Variants in DENND11 observed in about 807,000 individuals in gnomAD.
DENND11 encodes the protein DENN domain-containing protein 11.
DENND11 carries 34 observed loss-of-function variants against 49.2 expected under a neutral mutation model. That is an observed-to-expected ratio of 0.69 (90% CI 0.53 to 0.92). DENND11 has a LOEUF of 0.92. DENND11 is among the 40% of genes least tolerant of loss of function. DENND11 has a pLI of 0.00. For missense variants in DENND11, 475 were observed against 581.6 expected (o/e 0.82, Z 1.88); for synonymous variants, 238 against 230.3 (o/e 1.03, Z -0.30).
chr7:141,675,812 A>G (rs1308697768), intron 3 of DENND11, among the ~76,000 whole-genome samples: 1 of 151,842 alleles, frequency 6.6e-6, no homozygotes, highest in East Asian at 1.9e-4. Context: ...CACTATATTC[A>G]TATAATGATT....
Position 141,664,982 on chromosome 7 carries a change from G to A in DENND11, c.1025C>T (p.Thr342Ile). ...DVYVDNQNVK[T>I]HHDHLQPLLK... is the part of the protein sequence containing the mutation. Reference sequence around the variant, plus strand: ...CAGCGGCTGCAGGTGGTCGTGGTGTGTCTTCACATTCTGGTTATCCACGTA... The same window carrying A: ...CAGCGGCTGCAGGTGGTCGTGGTGTATCTTCACATTCTGGTTATCCACGTA... The change falls in exon 7 of 9, where the codon ACA becomes ATA. Residue 342 changes from threonine to isoleucine, a missense_variant. Coordinates refer to ENST00000536163, the MANE Select transcript of DENND11 (RefSeq NM_001080392.2). 1 of 1,613,860 alleles carries A rather than the reference G, an allele frequency of 6.2e-7. No homozygotes were observed. The highest frequency in any genetic ancestry group is 8.5e-7 in the Non-Finnish European group (1 of 1,179,840).
At chr7:141,677,403 AT>A (rs1299757527) in intron 3 of DENND11, among the ~76,000 whole-genome samples, 9,814 of 75,144 alleles carry the variant, frequency 0.13, 541 homozygotes, top group East Asian at 0.48. Flanking sequence ...AAAAAAAAAA[AT>A]ATATATATAT....
At chr7:141,691,122 A>G (rs1321028751) in intron 1 of DENND11, among the ~76,000 whole-genome samples, 7 of 152,206 alleles carry the variant, frequency 4.6e-5, no homozygotes, top group Admixed American at 4.6e-4. Context: ...CAGTACCTTC[A>G]TGAGTGAATT....
At position 141,657,501 on chromosome 7, in the gene DENND11, C is replaced by G. The variant is rs769007716; in HGVS notation, c.*5155G>C. The G allele has an allele frequency of 6.6e-6, 1 of 152,352 alleles. No homozygotes were observed. Among genetic ancestry groups the G allele is most frequent in the Non-Finnish European group, 1.5e-5 (1 of 68,034 alleles). The allele number at this position is 152,352 out of a possible 1,614,324, so 9.4% of individuals were successfully genotyped here. A position where few individuals can be genotyped will look rare whatever the true frequency, so the allele number is the denominator to read the frequency against. Reference sequence around the variant, plus strand: ...CCATCCAACTCAAAGACCTCTGTGTCGACTGTTCACTTTGTGGATCATCTC... The same window carrying G: ...CCATCCAACTCAAAGACCTCTGTGTGGACTGTTCACTTTGTGGATCATCTC... On this transcript the variant is annotated 3_prime_UTR_variant, in exon 9 of 9. Coordinates refer to ENST00000536163, the MANE Select transcript of DENND11 (RefSeq NM_001080392.2).
At chr7:141,673,537 GACCA>G (rs1798016716) in intron 4 of DENND11, among the ~76,000 whole-genome samples, 1 of 152,170 alleles carries the variant, frequency 6.6e-6, no homozygotes, top group Non-Finnish European at 1.5e-5. Flanking sequence ...AATATCCTGT[GACCA>G]ACCACAGGAG....
At chr7:141,691,883 C>A (rs748405023) in intron 1 of DENND11, among the ~76,000 whole-genome samples, 2 of 151,984 alleles carry the variant, frequency 1.3e-5, no homozygotes, top group Admixed American at 6.6e-5. Context: ...TAGTATCATG[C>A]CTTGCACAGG....
rs1227666469 is a variant in DENND11, at chr7:141,665,223, T to C, written c.916A>G (p.Ile306Val). 53 of 1,613,286 alleles carry C rather than the reference T, an allele frequency of 3.3e-5. No individual in the cohort carries two copies. The highest frequency in any genetic ancestry group is 4.4e-5 in the Non-Finnish European group (52 of 1,179,664). Residue 306 changes from isoleucine (I) to valine (V), a missense_variant, in exon 6 of 9, where the codon ATC becomes GTC. Ile to Val is a conservative substitution (Grantham distance 29). Coordinates refer to ENST00000536163, the MANE Select transcript of DENND11 (RefSeq NM_001080392.2). ...GACACCTCTACCTCCAGGCTCTCGA[T>C]GTCAGCCACGTTCACGTAGAAGAAA... ...KPFFYVNVAD[I>V]ESLEVEVSYV...
rs551522127 is a variant in DENND11, at chr7:141,679,909, C to T, written c.527+5569G>A. On this transcript the variant is annotated intron_variant, in intron 3 of 8. Coordinates refer to ENST00000536163, the MANE Select transcript of DENND11 (RefSeq NM_001080392.2). ...TATCCATCAGGTTAGAATGTTCAAA[C>T]TTTCATTTTGTGTTGGCAACGTTGA... Among the ~76,000 whole-genome samples, 11 of 152,268 alleles carry T rather than the reference C, an allele frequency of 7.2e-5. No individual in the cohort carries two copies. In the South Asian group the frequency reaches 2.3e-3, roughly 32 times the overall value.
chr7:141,680,975 G>A (rs750118501), intron 3 of DENND11, among the ~76,000 whole-genome samples: 1 of 152,060 alleles, frequency 6.6e-6, no homozygotes, highest in Non-Finnish European at 1.5e-5. Context: ...AGCCAAAAAC[G>A]ATACCTGGAA....
intron 1 of DENND11, among the ~76,000 whole-genome samples, chr7:141,692,045 G>A (rs1428493463): frequency 2.0e-5 from 3 of 152,120 alleles, no homozygotes; most frequent in Non-Finnish European, 2.9e-5. Flanking sequence ...ATACTCAAAC[G>A]TTTAGGAGTG....
At chr7:141,679,803 A>G (rs1798121678) in intron 3 of DENND11, among the ~76,000 whole-genome samples, 1 of 152,220 alleles carries the variant, frequency 6.6e-6, no homozygotes, top group South Asian at 2.1e-4. Flanking sequence ...AGAAATACAA[A>G]TGACTCAAAC....
chr7:141,662,976 G>T, intron 8 of DENND11, 125 bp from the exon 9 acceptor site: 1 of 615,968 alleles, frequency 1.6e-6, no homozygotes, highest in Non-Finnish European at 2.6e-6. Flanking sequence ...GGATTCGCAG[G>T]TATCTTTTAA....
At chr7:141,679,966 G>A (rs1798124490) in intron 3 of DENND11, among the ~76,000 whole-genome samples, 1 of 152,134 alleles carries the variant, frequency 6.6e-6, no homozygotes, top group African/African-American at 2.4e-5. Flanking sequence ...CATTACTACT[G>A]GGCATGCAAA....
chr7:141,662,893 A>G (rs2269984), intron 8 of DENND11, 42 bp from the exon 9 acceptor site: 3 of 1,422,252 alleles, frequency 2.1e-6, no homozygotes, highest in Admixed American at 2.6e-5. Context: ...AGCGGGGGGG[A>G]ATAAAAAGCT....
At chr7:141,685,029 A>AATATATATATATATATATAT (rs1167922771) in intron 3 of DENND11, among the ~76,000 whole-genome samples, 1 of 91,542 alleles carries the variant, frequency 1.1e-5, no homozygotes, top group African/African-American at 4.3e-5. Context: ...AAAAAAAAAA[A>AATATATATATATATATATAT]ATATATATAT....
chr7:141,683,239 A>G (rs1034656951), intron 3 of DENND11, among the ~76,000 whole-genome samples: 1 of 152,238 alleles, frequency 6.6e-6, no homozygotes, highest in Non-Finnish European at 1.5e-5. Flanking sequence ...CAAAAGTTAA[A>G]TATTTTATTA....
chr7:141,669,971 C>T lies in DENND11; in HGVS notation c.682-3546G>A, dbSNP rs991687240. 2.4e-4 allele frequency among the ~76,000 whole-genome samples: 36 copies of T among 151,334 alleles called. 2 individuals carry two copies. The highest frequency in any genetic ancestry group is 3.9e-4 in the Admixed American group (6 of 15,214). On this transcript the variant is annotated intron_variant, in intron 4 of 8. Coordinates refer to ENST00000536163, the MANE Select transcript of DENND11 (RefSeq NM_001080392.2). The stretch of plus-strand genomic sequence containing the variant: ...GACTACAGGCGCCCGCCACCTCGCC[C>T]GGCTAATTTTTTGTATTTTTAGTAG...
chr7:141,685,609 G>T lies in DENND11; in HGVS notation c.396C>A (p.Gly132=), dbSNP rs549620991. Residue 132 remains glycine (G), a synonymous_variant, in exon 3 of 9, where the codon GGC becomes GGA. Transcript: ENST00000536163. ...CGGGCATGTTGGCAAAGCAGGCCAG[G>T]CCGAAGAAGGGCCCCTTTCGGAAAT... is the stretch of plus-strand genomic sequence containing the variant. The part of the protein sequence containing the change: ...FIYFRKGPFF[G]LACFANMPVE... 5 of 1,614,006 alleles carry T rather than the reference G, an allele frequency of 3.1e-6. No homozygotes were observed. The South Asian group carries it at 5.5e-5, about 18-fold the overall frequency.
At chr7:141,699,547 A>T (rs1798472061) in intron 1 of DENND11, among the ~76,000 whole-genome samples, 1 of 152,036 alleles carries the variant, frequency 6.6e-6, no homozygotes, top group Admixed American at 6.5e-5. Flanking sequence ...TTCCCCCCAC[A>T]AAAAAACACA....
Sources: allele counts gnomAD v4.1 joint callset (sites outside exome capture counted in the v4.1 genomes callset), GRCh38; gene constraint gnomAD v4.1.1; transcripts MANE v1.5; gene names NCBI Gene and HGNC (gene_info 2026-07-23, HGNC 2026-07-21).